Variants in SCML4 observed in about 807,000 individuals in gnomAD.
The protein encoded by SCML4 is Scm polycomb group protein like 4.
Under a neutral mutation model 41.1 loss-of-function variants are expected in SCML4, and 34 were observed. The observed-to-expected ratio is 0.83, with a 90% confidence interval of 0.63 to 1.10. The LOEUF (loss-of-function observed/expected upper bound fraction) is 1.10. SCML4 is among the 50% of genes least tolerant of loss of function. The pLI is 0.00. For synonymous variants in SCML4, 214 were observed against 220.9 expected, an observed-to-expected ratio of 0.97 and a Z score of 0.28; for missense variants, 522 against 534.1, an observed-to-expected ratio of 0.98 and a Z score of 0.22.
At chr6:107,829,849 A>C in the SCML4 span, among the ~76,000 whole-genome samples, 1 of 152,232 alleles carries the variant, frequency 6.6e-6, no homozygotes, top group Admixed American at 6.5e-5. Context: ...TCCTCGTCAC[A>C]TTGGCAAACA....
intron 5 of SCML4, among the ~76,000 whole-genome samples, chr6:107,742,509 A>G (rs904881386): frequency 2.0e-5 from 3 of 152,192 alleles, no homozygotes; most frequent in Non-Finnish European, 2.9e-5. Context: ...TCAAACTCTC[A>G]AAGTCCAAGG....
chr6:107,735,465 T>C (rs1285805586), intron 5 of SCML4, among the ~76,000 whole-genome samples: 1 of 152,016 alleles, frequency 6.6e-6, no homozygotes, highest in Non-Finnish European at 1.5e-5. Flanking sequence ...GTTCTGTTTT[T>C]TTTTCTTCAA....
chr6:107,725,730 C>A (rs1252224203), intron 5 of SCML4, among the ~76,000 whole-genome samples: 1 of 152,138 alleles, frequency 6.6e-6, no homozygotes, highest in African/African-American at 2.4e-5. Flanking sequence ...AGATTTGACA[C>A]CAAAAGCACA....
intron 1 of SCML4, among the ~76,000 whole-genome samples, chr6:107,822,503 C>CTTTTTT (rs1426358206): frequency 5.8e-4 from 24 of 41,544 alleles, no homozygotes; most frequent in African/African-American, 1.1e-3. Flanking sequence ...TTCTTTTTTT[C>CTTTTTT]TTTTCTTTTT....
chr6:107,775,649 T>C (rs563608985), intron 1 of SCML4, among the ~76,000 whole-genome samples: 3 of 152,354 alleles, frequency 2.0e-5, no homozygotes, highest in East Asian at 1.9e-4. Flanking sequence ...GATTATTTTA[T>C]TTTGGGACAG....
intron 5 of SCML4, among the ~76,000 whole-genome samples, chr6:107,737,385 T>C (rs1048259458): frequency 2.0e-5 from 3 of 152,176 alleles, no homozygotes; most frequent in African/African-American, 7.2e-5. Context: ...CTTCCCCAGA[T>C]ATGCAAGCCT....
chr6:107,808,128 G>A (rs1367621810), intron 1 of SCML4, among the ~76,000 whole-genome samples: 1 of 152,142 alleles, frequency 6.6e-6, no homozygotes, highest in Admixed American at 6.5e-5. Flanking sequence ...CTCCTCTGCA[G>A]GGGATGGGAT....
intron 6 of SCML4, among the ~76,000 whole-genome samples, chr6:107,713,329 G>A (rs994415110): frequency 6.6e-5 from 10 of 152,186 alleles, no homozygotes; most frequent in Admixed American, 6.5e-5. Context: ...CCATGTGATC[G>A]ACTCTCTGCT....
At chr6:107,706,637 G>A (rs959106922) in intron 7 of SCML4, among the ~76,000 whole-genome samples, 1 of 152,188 alleles carries the variant, frequency 6.6e-6, no homozygotes, top group African/African-American at 2.4e-5. Flanking sequence ...ATGGGATTAA[G>A]CTTGCTAATC....
the SCML4 span, among the ~76,000 whole-genome samples, chr6:107,840,293 T>C: frequency 6.6e-6 from 1 of 152,262 alleles, no homozygotes; most frequent in African/African-American, 2.4e-5. Flanking sequence ...GACTGTGCCA[T>C]ATTAATGATT....
intron 1 of SCML4, among the ~76,000 whole-genome samples, chr6:107,801,160 T>C (rs1025603259): frequency 6.6e-6 from 1 of 152,216 alleles, no homozygotes; most frequent in African/African-American, 2.4e-5. Context: ...CAGATTCCAG[T>C]CCCTTCTAGT....
intron 1 of SCML4, among the ~76,000 whole-genome samples, chr6:107,808,758 A>G (rs1299142864): frequency 1.3e-5 from 2 of 152,218 alleles, no homozygotes; most frequent in African/African-American, 2.4e-5. Flanking sequence ...TGCATAATGC[A>G]TTAATGTAGT....
At chr6:107,822,508 C>CTTTTCTT (rs972683975) in intron 1 of SCML4, among the ~76,000 whole-genome samples, 1 of 137,998 alleles carries the variant, frequency 7.2e-6, no homozygotes, top group African/African-American at 2.9e-5. Context: ...TTTTTCTTTT[C>CTTTTCTT]TTTTTTTTTT....
At chr6:107,739,341 GA>G (rs1360493084) in intron 5 of SCML4, among the ~76,000 whole-genome samples, 1 of 151,654 alleles carries the variant, frequency 6.6e-6, no homozygotes, top group Non-Finnish European at 1.5e-5. Context: ...TCATATACTG[GA>G]ACATAAAATC....
At chr6:107,831,096 A>G in the SCML4 span, among the ~76,000 whole-genome samples, 1 of 152,192 alleles carries the variant, frequency 6.6e-6, no homozygotes, top group African/African-American at 2.4e-5. Context: ...TTCAGCTGAA[A>G]ACAGTTACTG....
chr6:107,793,294 T>C (rs1782476650), intron 1 of SCML4, among the ~76,000 whole-genome samples: 1 of 152,240 alleles, frequency 6.6e-6, no homozygotes, highest in South Asian at 2.1e-4. Flanking sequence ...CAGTAATTAA[T>C]GTTCTTTGTT....
intron 2 of SCML4, among the ~76,000 whole-genome samples, chr6:107,767,986 C>T (rs1583534978): frequency 6.6e-6 from 1 of 152,030 alleles, no homozygotes; most frequent in African/African-American, 2.4e-5. Context: ...ACTGGCTGGG[C>T]CCGGTGGCTC....
chr6:107,809,271 C>T (rs1246402704), intron 1 of SCML4, among the ~76,000 whole-genome samples: 1 of 152,208 alleles, frequency 6.6e-6, no homozygotes, highest in Non-Finnish European at 1.5e-5. Flanking sequence ...GCCTTCAGAA[C>T]CTTGAGAAAT....
intron 5 of SCML4, chr6:107,731,877 G>C (rs1332841298): frequency 6.6e-6 from 1 of 152,562 alleles, no homozygotes; most frequent in East Asian, 1.9e-4. Flanking sequence ...TGCGAGGAGA[G>C]GGGCAGGAGG....
Sources: gnomAD v4.1 joint callset for allele counts (sites outside exome capture counted in the v4.1 genomes callset) on GRCh38, gnomAD v4.1.1 for gene constraint, MANE v1.5 for transcripts, NCBI Gene and HGNC (gene_info 2026-07-23, HGNC 2026-07-21) for gene names.